Variants in ITGAE observed in about 807,000 individuals in gnomAD.
ITGAE encodes integrin alpha-E.
ITGAE carries 99 observed loss-of-function variants against 136.5 expected under a neutral mutation model. The observed-to-expected ratio is 0.73, with a 90% CI of 0.62 to 0.86. The LOEUF is 0.86. Among genes scored for constraint, ITGAE ranks in the 40% least tolerant of loss-of-function variants. ITGAE has a pLI of 0.00. For missense variants in ITGAE, 1,447 were observed against 1,515.3 expected, an observed-to-expected ratio of 0.95 and a Z score of 0.75; for synonymous variants, 613 against 591.8, an observed-to-expected ratio of 1.04 and a Z score of -0.52.
chr17:3,757,790 A>G lies in ITGAE; in HGVS notation c.936T>C (p.Asp312=). 1 of 1,614,078 alleles carries G rather than the reference A, an allele frequency of 6.2e-7. No individual in the cohort carries two copies. Among genetic ancestry groups the G allele is most frequent in the South Asian group, 1.1e-5 (1 of 91,076 alleles). The part of the protein sequence containing the change: ...KASKVMVVLT[D]GGIFEDPLNL... Reference sequence around the variant, plus strand: ...TGAGGGGGTCCTCGAATATGCCACCATCGGTGAGCACCACCATGACCTTGG... The same window carrying G: ...TGAGGGGGTCCTCGAATATGCCACCGTCGGTGAGCACCACCATGACCTTGG... The change falls in exon 9 of 31, where the codon GAT becomes GAC. Residue 312 remains aspartate, a synonymous_variant. Transcript: ENST00000263087.
rs553711267 is a variant in ITGAE at position 3,786,036 on chromosome 17, G to A, written c.35-8376C>T. Among the ~76,000 whole-genome samples the A allele has an allele frequency of 4.7e-4, 71 of 151,766 alleles. 2 individuals carry two copies. Among genetic ancestry groups the A allele is most frequent in the Non-Finnish European group, 8.5e-4 (58 of 67,894 alleles). ...CAAAAAATTAGCCGGGCGTGGTGGCGGGCGCCTGTAGTCCCAGCTACTCGG... is the reference window on the plus strand; with the variant it reads ...CAAAAAATTAGCCGGGCGTGGTGGCAGGCGCCTGTAGTCCCAGCTACTCGG... On this transcript the variant is annotated intron_variant, in intron 1 of 30. Transcript: ENST00000263087.
At position 3,752,494 on chromosome 17, in the gene ITGAE, G is replaced by A. The variant is rs1005293469; in HGVS notation, c.1669-620C>T. ...TTATCAGCTGGGCGCGGTGACTCAC[G>A]CCCATAATCTCATCACTTTGGGAGG... On this transcript the variant is annotated intron_variant, in intron 14 of 30. Transcript: ENST00000263087. Among the ~76,000 whole-genome samples, 4 of 152,328 alleles carry A rather than the reference G, an allele frequency of 2.6e-5. No individual in the cohort carries two copies. The East Asian group carries it at 7.7e-4, about 29-fold the overall frequency.
chr17:3,719,262 G>T (rs60807710), intron 29 of ITGAE, among the ~76,000 whole-genome samples: 2 of 130,168 alleles, frequency 1.5e-5, no homozygotes, highest in African/African-American at 7.7e-5. Context: ...AAAAAGAAAA[G>T]AAAAGAAAAA....
chr17:3,757,354 C>T (rs2143044048), intron 9 of ITGAE, among the ~76,000 whole-genome samples: 1 of 152,318 alleles, frequency 6.6e-6, no homozygotes, highest in East Asian at 1.9e-4. Flanking sequence ...CTCCTCCTCA[C>T]CTCTGCACAT....
intron 15 of ITGAE, 74 bp downstream of exon 15, chr17:3,751,576 T>G (rs775674542): frequency 7.1e-7 from 1 of 1,405,340 alleles, no homozygotes; most frequent in African/African-American, 1.4e-5. Context: ...TGAAGCCGAC[T>G]TGGGGCTTGG....
At chr17:3,725,730 C>A in intron 26 of ITGAE, 1 of 1,578,612 alleles carries the variant, frequency 6.3e-7, no homozygotes, top group Non-Finnish European at 8.6e-7. Flanking sequence ...AGACGACCAG[C>A]TCTTCATTGT....
rs533432062 is a variant in ITGAE at position 3,777,593 on chromosome 17, G to T, written c.102C>A (p.Ala34=). 4 of 1,613,814 alleles carry T rather than the reference G, an allele frequency of 2.5e-6. 1 individual carries two copies. The South Asian group carries it at 4.4e-5, about 18-fold the overall frequency. ...GCAGAAGGGAGCTGAGCACGAAAGGGGCACCTCCCTTGGGCGTGAGCCAGG... is the reference window on the plus strand; with the variant it reads ...GCAGAAGGGAGCTGAGCACGAAAGGTGCACCTCCCTTGGGCGTGAGCCAGG... The part of the protein sequence containing the change: ...ARPWLTPKGG[A]PFVLSSLLHQ... Residue 34 remains alanine, a synonymous_variant, in exon 2 of 31, where the codon GCC becomes GCA. Transcript: ENST00000263087.
At chr17:3,743,977 A>G (rs889613411) in intron 18 of ITGAE, among the ~76,000 whole-genome samples, 2 of 150,738 alleles carry the variant, frequency 1.3e-5, no homozygotes, top group African/African-American at 4.9e-5. Flanking sequence ...TGCTGGGATT[A>G]TAGGCGTAAG....
chr17:3,728,222 G>T (rs935375454), intron 24 of ITGAE, 54 bp from the exon 25 acceptor site: 1 of 1,381,010 alleles, frequency 7.2e-7, no homozygotes, highest in Non-Finnish European at 1.0e-6. Context: ...CCCTTTTTTG[G>T]AGACAGGGTC....
At chr17:3,723,200 T>A (rs113282988) in intron 28 of ITGAE, 88 bp downstream of exon 28, 1 of 919,602 alleles carries the variant, frequency 1.1e-6, no homozygotes, top group Non-Finnish European at 1.8e-6. Flanking sequence ...GACATGGACA[T>A]GTTATGCAAA....
rs1166703455 is a variant in ITGAE at position 3,732,662 on chromosome 17, C to T, written c.2656-196G>A. On this transcript the variant is annotated intron_variant, in intron 21 of 30. Transcript: ENST00000263087. ...ACAGGCAGGGTCAGCAGTAGATCCCCGAGGAATTTAAATACAAGGTCGAAG... is the reference window on the plus strand; with the variant it reads ...ACAGGCAGGGTCAGCAGTAGATCCCTGAGGAATTTAAATACAAGGTCGAAG... Among the ~76,000 whole-genome samples, 4 of 152,276 alleles carry T rather than the reference C, an allele frequency of 2.6e-5. No individual in the cohort carries two copies. In the East Asian group the frequency reaches 5.8e-4, roughly 22 times the overall value.
intron 2 of ITGAE, 52 bp downstream of exon 2, chr17:3,777,488 T>C (rs988295329): frequency 2.3e-5 from 35 of 1,552,782 alleles, no homozygotes; most frequent in Non-Finnish European, 2.7e-5. Flanking sequence ...CCATCTCAGA[T>C]TGCCTGGAAG....
intron 1 of ITGAE, among the ~76,000 whole-genome samples, chr17:3,795,830 T>G (rs2053055371): frequency 7.0e-6 from 1 of 142,490 alleles, no homozygotes; most frequent in African/African-American, 2.7e-5. Flanking sequence ...TGCATCCCTG[T>G]GTGTGCATGT....
In ITGAE at chr17:3,777,604, T is replaced by G; in HGVS notation, c.91A>C (p.Lys31Gln). The G allele has an allele frequency of 1.2e-6, 2 of 1,613,646 alleles. No individual in the cohort carries two copies. Among genetic ancestry groups the G allele is most frequent in the South Asian group, 2.2e-5 (2 of 91,020 alleles). The change falls in exon 2 of 31, where the codon AAG becomes CAG. Residue 31 changes from lysine to glutamine, a missense_variant. Transcript: ENST00000263087. ...CTGAGCACGAAAGGGGCACCTCCCT[T>G]GGGCGTGAGCCAGGGCCGGGCCACA... ...VDVARPWLTP[K>Q]GGAPFVLSSL...
At chr17:3,792,050 T>TA (rs1373986091) in intron 1 of ITGAE, among the ~76,000 whole-genome samples, 1 of 152,184 alleles carries the variant, frequency 6.6e-6, no homozygotes, top group Non-Finnish European at 1.5e-5. Context: ...GCTCTGGATC[T>TA]CTCATCCCTG....
intron 2 of ITGAE, among the ~76,000 whole-genome samples, chr17:3,777,196 C>G (rs931672177): frequency 6.6e-6 from 1 of 151,394 alleles, no homozygotes; most frequent in Non-Finnish European, 1.5e-5. Context: ...CTCCTGACCT[C>G]GTGATCCGCC....
intron 1 of ITGAE, among the ~76,000 whole-genome samples, chr17:3,795,457 C>A (rs1204183763): frequency 1.3e-5 from 2 of 152,256 alleles, no homozygotes; most frequent in East Asian, 3.9e-4. Context: ...GCACCTGTTG[C>A]CTTCCAGGCA....
chr17:3,789,252 A>C (rs940133319), intron 1 of ITGAE, among the ~76,000 whole-genome samples: 1 of 152,108 alleles, frequency 6.6e-6, no homozygotes, highest in Non-Finnish European at 1.5e-5. Flanking sequence ...CTCCAAAAAA[A>C]AGAAACGAAA....
chr17:3,725,204 G>A (rs747379425), intron 26 of ITGAE: 1 of 1,614,116 alleles, frequency 6.2e-7, no homozygotes, highest in South Asian at 1.1e-5. Flanking sequence ...GTTCAAACCG[G>A]CCTGTCATGA....
Sources: allele counts gnomAD v4.1 joint callset (sites outside exome capture counted in the v4.1 genomes callset), GRCh38; gene constraint gnomAD v4.1.1; transcripts MANE v1.5; gene names NCBI Gene and HGNC (gene_info 2026-07-23, HGNC 2026-07-21).